Variants in NUP210L observed in about 807,000 individuals in gnomAD.
The protein encoded by NUP210L is nuclear pore membrane glycoprotein 210-like.
A neutral mutation model predicts 208.5 loss-of-function variants in NUP210L; 74 were observed. The observed-to-expected ratio is 0.35, with a 90% CI of 0.29 to 0.43. The LOEUF is 0.43. Ranked by LOEUF, NUP210L falls within the 20% of genes least tolerant of loss-of-function variation. The pLI is 1.00. For synonymous variants in NUP210L, 780 were observed against 816.9 expected, an observed-to-expected ratio of 0.95 and a Z score of 0.77; for missense variants, 1,843 against 2,289.4, an observed-to-expected ratio of 0.81 and a Z score of 3.98.
chr1:154,008,545 A>G (rs1319458721), intron 35 of NUP210L, among the ~76,000 whole-genome samples: 2 of 152,126 alleles, frequency 1.3e-5, no homozygotes, highest in East Asian at 3.9e-4. Context: ...CATCTCTATT[A>G]AAAATACAAA....
chr1:154,147,743 G>A (rs752840032), intron 2 of NUP210L, among the ~76,000 whole-genome samples: 18 of 147,706 alleles, frequency 1.2e-4, no homozygotes, highest in Non-Finnish European at 2.5e-4. Flanking sequence ...TGCCTCTGGG[G>A]TTCTGGGGTT....
At chr1:154,074,025 T>TC (rs1654914091) in intron 16 of NUP210L, among the ~76,000 whole-genome samples, 1 of 151,478 alleles carries the variant, frequency 6.6e-6, no homozygotes, top group South Asian at 2.1e-4. Context: ...AAGTTTTTTT[T>TC]TTTTGTCGTT....
At chr1:154,081,228 A>T (rs1476735206) in intron 16 of NUP210L, among the ~76,000 whole-genome samples, 1 of 151,818 alleles carries the variant, frequency 6.6e-6, no homozygotes, top group Non-Finnish European at 1.5e-5. Context: ...AAGTATAAGG[A>T]TGGAAAAAAA....
chr1:154,065,797 G>T (rs1005820815), intron 17 of NUP210L, among the ~76,000 whole-genome samples: 1 of 149,030 alleles, frequency 6.7e-6, no homozygotes, highest in African/African-American at 2.5e-5. Flanking sequence ...GGAGGCTGAG[G>T]CACAAGAATT....
intron 16 of NUP210L, among the ~76,000 whole-genome samples, chr1:154,082,471 A>G (rs1269770483): frequency 6.6e-6 from 1 of 152,246 alleles, no homozygotes; most frequent in Non-Finnish European, 1.5e-5. Flanking sequence ...AATAATAGTT[A>G]GAGCTTGTAG....
intron 2 of NUP210L, among the ~76,000 whole-genome samples, chr1:154,146,282 A>C (rs1187739843): frequency 6.6e-6 from 1 of 152,218 alleles, no homozygotes; most frequent in Non-Finnish European, 1.5e-5. Context: ...AATTAAATAA[A>C]TACTCATGAA....
At chr1:154,070,500 T>A (rs775882479) in intron 16 of NUP210L, 35 bp from the exon 17 acceptor site, 3 of 1,330,704 alleles carry the variant, frequency 2.3e-6, no homozygotes, top group South Asian at 3.1e-5. Flanking sequence ...AACAACAATT[T>A]AAAAATCAAT....
exon 36 of NUP210L, chr1:154,001,911 A>C (rs779653415): frequency 3.7e-6 from 6 of 1,614,110 alleles, no homozygotes; most frequent in South Asian, 1.1e-5. Context: ...CCATAGACTG[A>C]GGTGTCAGCC....
chr1:154,102,009 G>C (rs1656497219), intron 13 of NUP210L, among the ~76,000 whole-genome samples: 1 of 152,046 alleles, frequency 6.6e-6, no homozygotes. Flanking sequence ...AAATTAGCCA[G>C]GTGTAGTGGC....
chr1:154,060,664 A>G, intron 19 of NUP210L, 23 bp from the exon 20 acceptor site: 2 of 1,484,198 alleles, frequency 1.3e-6, no homozygotes, highest in Non-Finnish European at 1.9e-6. Flanking sequence ...CAGACAAACA[A>G]TATTCTGTTT....
chr1:154,141,327 G>T, intron 4 of NUP210L, 104 bp downstream of exon 4: 1 of 734,742 alleles, frequency 1.4e-6, no homozygotes, highest in Non-Finnish European at 2.5e-6. Flanking sequence ...AAAGTAGATA[G>T]CAGGGTCATC....
chr1:154,011,474 G>A (rs1650916016), intron 34 of NUP210L, among the ~76,000 whole-genome samples: 4 of 150,888 alleles, frequency 2.7e-5, no homozygotes, highest in Admixed American at 1.3e-4. Flanking sequence ...CATCCGCCTC[G>A]GCTTCCCAAA....
intron 15 of NUP210L, among the ~76,000 whole-genome samples, chr1:154,093,150 C>T (rs577462281): frequency 2.0e-5 from 3 of 151,222 alleles, no homozygotes; most frequent in South Asian, 2.2e-4. Flanking sequence ...AATTTTAGGC[C>T]GGGTGCGGTG....
At chr1:154,079,464 G>A (rs1407132028) in intron 16 of NUP210L, 2 of 152,028 alleles carry the variant, frequency 1.3e-5, no homozygotes, top group African/African-American at 4.8e-5. Flanking sequence ...GGGACCTTAA[G>A]GCTCAGCTAA....
chr1:154,009,783 AC>A (rs1194228157), intron 35 of NUP210L, among the ~76,000 whole-genome samples, 188 bp downstream of exon 35: 1 of 148,238 alleles, frequency 6.7e-6, no homozygotes, highest in African/African-American at 2.5e-5. Context: ...ACACAGCAAG[AC>A]CCAGTCTCAA....
intron 2 of NUP210L, among the ~76,000 whole-genome samples, chr1:154,146,267 C>T (rs922221140): frequency 1.1e-4 from 16 of 151,846 alleles, no homozygotes; most frequent in African/African-American, 2.9e-4. Context: ...GAAATATAGC[C>T]CCCAAATTAA....
chr1:154,012,761 T>G (rs1651001347), intron 33 of NUP210L, among the ~76,000 whole-genome samples: 1 of 148,178 alleles, frequency 6.7e-6, no homozygotes. Flanking sequence ...ATCCCAGCAC[T>G]GGGAGGCCGA....
exon 40 of NUP210L, chr1:153,992,840 G>A (rs1436463804): frequency 6.2e-7 from 1 of 1,608,280 alleles, no homozygotes; most frequent in Middle Eastern, 1.7e-4. Context: ...AGAGGTTAGT[G>A]CCTTATACTC....
chr1:154,106,531 T>C (rs1656770741), intron 12 of NUP210L, among the ~76,000 whole-genome samples: 1 of 152,178 alleles, frequency 6.6e-6, no homozygotes, highest in South Asian at 2.1e-4. Context: ...AACCAGGCAG[T>C]GGTCACTGAA....
Sources: gnomAD v4.1 joint callset for allele counts (sites outside exome capture counted in the v4.1 genomes callset) on GRCh38, gnomAD v4.1.1 for gene constraint, MANE v1.5 for transcripts, NCBI Gene and HGNC (gene_info 2026-07-23, HGNC 2026-07-21) for gene names.